The following GFRA2 variants were observed in gnomAD, a reference collection of about 807,000 sequenced individuals.
The protein encoded by GFRA2 is GDNF family receptor alpha 2.
In GFRA2, 17 loss-of-function variants were observed where a neutral mutation model predicts 48.3. That is an observed-to-expected ratio of 0.35 (90% CI 0.24 to 0.53). The LOEUF (loss-of-function observed/expected upper bound fraction) is 0.53, where lower values mean the gene tolerates loss of function less well. Ranked by LOEUF, GFRA2 falls within the 20% of genes least tolerant of loss-of-function variation. The pLI is 0.93. For synonymous variants in GFRA2, 305 were observed against 257.2 expected, an observed-to-expected ratio of 1.19 and a Z score of -1.78; for missense variants, 660 against 637.3, an observed-to-expected ratio of 1.04 and a Z score of -0.38.
At chr8:21,700,198 A>G (rs1029848811) in intron 7 of GFRA2, among the ~76,000 whole-genome samples, 2 of 152,174 alleles carry the variant, frequency 1.3e-5, no homozygotes, top group African/African-American at 4.8e-5. Context: ...TCCCTGCTCT[A>G]GAGCCCAGTG....
At chr8:21,708,568 A>T (rs1465898891) in intron 4 of GFRA2, among the ~76,000 whole-genome samples, 1 of 152,204 alleles carries the variant, frequency 6.6e-6, no homozygotes, top group Non-Finnish European at 1.5e-5. Context: ...TCTTATTTGG[A>T]AATAAGATCT....
chr8:21,744,825 C>T (rs933532440), intron 4 of GFRA2, among the ~76,000 whole-genome samples: 2 of 152,142 alleles, frequency 1.3e-5, no homozygotes. Context: ...AGCCCTAAGG[C>T]TCGTGCGATA....
intron 4 of GFRA2, among the ~76,000 whole-genome samples, chr8:21,714,246 C>CTATTTTTTT (rs1554487215): frequency 3.8e-5 from 3 of 78,398 alleles, no homozygotes; most frequent in Non-Finnish European, 2.2e-5. Context: ...GTCTGAAGTT[C>CTATTTTTTT]TTTTTTTTTT....
intron 3 of GFRA2, among the ~76,000 whole-genome samples, chr8:21,765,587 C>T (rs1224312007): frequency 2.6e-5 from 4 of 152,112 alleles, no homozygotes; most frequent in Admixed American, 6.5e-5. Flanking sequence ...CTCATGGTTC[C>T]GTGGCTTTAA....
At chr8:21,801,203 A>AAAC (rs1807763607) in intron 2 of GFRA2, among the ~76,000 whole-genome samples, 1 of 152,084 alleles carries the variant, frequency 6.6e-6, no homozygotes, top group Non-Finnish European at 1.5e-5. Context: ...TGCTCCATCC[A>AAAC]TCACACCCCT....
At position 21,693,390 on chromosome 8, in the gene GFRA2, T is replaced by G. The variant is rs779265911; in HGVS notation, c.1283A>C (p.Asn428Thr). The change falls in exon 9 of 9, where the codon AAT (asparagine) becomes ACT (threonine). Residue 428 changes from asparagine to threonine, a missense_variant. By Grantham distance (65) the Asn-to-Thr change is moderately conservative (BLOSUM62 0). Coordinates refer to ENST00000524240, the MANE Select transcript of GFRA2 (RefSeq NM_001495.5). The part of the protein sequence containing the change: ...LSMCFTELTT[N>T]IIPGSNKVIK... ...CACCTTGTTACTCCCTGGGATGATATTTGTCGTGAGCTGAGTCCGCAGCAG... is the reference window on the plus strand; with the variant it reads ...CACCTTGTTACTCCCTGGGATGATAGTTGTCGTGAGCTGAGTCCGCAGCAG... 6.2e-7 allele frequency: 1 copy of G among 1,610,924 alleles called. No individual in the cohort carries two copies. Among genetic ancestry groups the G allele is most frequent in the Admixed American group, 1.7e-5 (1 of 59,598 alleles).
chr8:21,732,629 C>A (rs913558318), intron 4 of GFRA2, among the ~76,000 whole-genome samples: 8 of 152,228 alleles, frequency 5.3e-5, no homozygotes, highest in African/African-American at 1.9e-4. Context: ...GTCTGAGTCC[C>A]GTGAGCCCAG....
intron 2 of GFRA2, among the ~76,000 whole-genome samples, chr8:21,798,491 C>T (rs969911896): frequency 2.6e-5 from 4 of 152,176 alleles, no homozygotes; most frequent in African/African-American, 9.7e-5. Flanking sequence ...ATGGAATGAG[C>T]CAGCAAGGTA....
At chr8:21,772,684 T>A (rs1806492915) in intron 3 of GFRA2, among the ~76,000 whole-genome samples, 1 of 152,108 alleles carries the variant, frequency 6.6e-6, no homozygotes, top group African/African-American at 2.4e-5. Context: ...AGAGTTTGCG[T>A]GGGGCCCAGT....
At position 21,750,870 on chromosome 8, in the gene GFRA2, T is replaced by C; in HGVS notation, c.512A>G (p.Asn171Ser). The change falls in exon 4 of 9, where the codon AAT (asparagine) becomes AGT (serine). Residue 171 changes from asparagine (N) to serine (S), a missense_variant. Physicochemically the swap from Asn to Ser is conservative, Grantham distance 46. Coordinates refer to ENST00000524240, the MANE Select transcript of GFRA2 (RefSeq NM_001495.5). This position sits in a 1 kb window ranked among gnomAD's most constrained non-coding sequence, Gnocchi z 5.7. ...GGAGCGCAGCTTCTTGCAGTTGTCA[T>C]TCAGGTTGCAGGCCTTGGCAGCATC... ...CLDAAKACNLNDNCKKLRSSY... is the reference protein window; with the variant it reads ...CLDAAKACNLSDNCKKLRSSY... 1 of 1,613,790 alleles carries C rather than the reference T, an allele frequency of 6.2e-7. No individual in the cohort carries two copies. Among genetic ancestry groups the C allele is most frequent in the South Asian group, 1.1e-5 (1 of 91,080 alleles).
chr8:21,755,956 A>G (rs1805546633), intron 3 of GFRA2, among the ~76,000 whole-genome samples: 1 of 152,186 alleles, frequency 6.6e-6, no homozygotes, highest in African/African-American at 2.4e-5. Flanking sequence ...CACTGCCTCT[A>G]AGGGACAGGT....
intron 3 of GFRA2, among the ~76,000 whole-genome samples, chr8:21,757,124 C>A (rs539841403): frequency 6.6e-6 from 1 of 152,298 alleles, no homozygotes; most frequent in East Asian, 1.9e-4. Flanking sequence ...GGGCCAGACC[C>A]GGGGAGCGCA....
chr8:21,768,351 C>T lies in GFRA2; in HGVS notation c.439+6621G>A, dbSNP rs916372753. On this transcript the variant is annotated intron_variant, in intron 3 of 8. Coordinates refer to ENST00000524240, the MANE Select transcript of GFRA2 (RefSeq NM_001495.5). ...ACCTGAGGATAAGCAGTTTATCGCC[C>T]GAGCCACCATGAAGGGGGCAGGGAG... 4.9e-4 allele frequency among the ~76,000 whole-genome samples: 74 copies of T among 152,298 alleles called. 1 individual carries two copies. The highest frequency in any genetic ancestry group is 1.7e-3 in the African/African-American group (72 of 41,558).
chr8:21,719,231 G>A (rs1803481531), intron 4 of GFRA2, among the ~76,000 whole-genome samples: 1 of 152,102 alleles, frequency 6.6e-6, no homozygotes, highest in African/African-American at 2.4e-5. Context: ...ACAGGGTCAG[G>A]AGGGCCTAGA....
chr8:21,759,562 G>A (rs10113581), intron 3 of GFRA2, among the ~76,000 whole-genome samples: 12,881 of 149,394 alleles, frequency 0.086, 720 homozygotes, highest in Admixed American at 0.15. Context: ...AGGAAGGAAA[G>A]AAATTTAAAG....
At chr8:21,808,269 C>T (rs763935767) in intron 1 of GFRA2, among the ~76,000 whole-genome samples, 1 of 152,180 alleles carries the variant, frequency 6.6e-6, no homozygotes, top group East Asian at 1.9e-4. Flanking sequence ...CTTGTCATGT[C>T]GGCTCCCAAA....
chr8:21,780,336 C>T (rs937372988), intron 2 of GFRA2, among the ~76,000 whole-genome samples: 2 of 152,228 alleles, frequency 1.3e-5, no homozygotes, highest in East Asian at 3.9e-4. Context: ...CCTCAGCTTA[C>T]CCTAAGGCAT....
At chr8:21,723,304 G>A (rs146138191) in intron 4 of GFRA2, among the ~76,000 whole-genome samples, 77 of 152,244 alleles carry the variant, frequency 5.1e-4, no homozygotes, top group Middle Eastern at 3.4e-3. Flanking sequence ...GTCTTCTACT[G>A]GGGTCTCTCT....
At chr8:21,712,495 C>T (rs949129053) in intron 4 of GFRA2, among the ~76,000 whole-genome samples, 6 of 150,986 alleles carry the variant, frequency 4.0e-5, no homozygotes, top group African/African-American at 7.3e-5. Flanking sequence ...GGATGGCGGG[C>T]GGGCAGAGAC....
Sources: gnomAD v4.1 joint callset for allele counts (sites outside exome capture counted in the v4.1 genomes callset) on GRCh38, gnomAD v4.1.1 for gene constraint, Gnocchi (gnomAD v3.1) non-coding constraint, MANE v1.5 for transcripts, NCBI Gene and HGNC (gene_info 2026-07-23, HGNC 2026-07-21) for gene names.